The following GRM8 variants were observed in gnomAD, a reference collection of about 807,000 sequenced individuals.
The protein encoded by GRM8 is glutamate metabotropic receptor 8, also known as metabotropic glutamate receptor 8.
Under a neutral mutation model 87.2 loss-of-function variants are expected in GRM8, and 47 were observed. The observed-to-expected ratio is 0.54, with a 90% confidence interval of 0.43 to 0.69. The LOEUF is 0.69. Among genes scored for constraint, GRM8 ranks in the 30% least tolerant of loss-of-function variants. The probability of loss-of-function intolerance (pLI) is 0.00; values close to 1 mark genes in which losing one functional copy is unlikely to be tolerated. For missense variants in GRM8, 1,019 were observed against 1,139.2 expected (o/e 0.89, Z 1.52); for synonymous variants, 396 against 404.5 (o/e 0.98, Z 0.25).
At chr7:126,992,823 G>GTGTGTA (rs1237875684) in intron 3 of GRM8, among the ~76,000 whole-genome samples, 1 of 150,832 alleles carries the variant, frequency 6.6e-6, no homozygotes, top group Non-Finnish European at 1.5e-5. Context: ...GTGTGTGTGT[G>GTGTGTA]TGTGTATGTG....
At chr7:126,973,986 A>G (rs950033982) in intron 3 of GRM8, among the ~76,000 whole-genome samples, 2 of 152,180 alleles carry the variant, frequency 1.3e-5, no homozygotes, top group African/African-American at 4.8e-5. Flanking sequence ...CAAAATCTGG[A>G]ACTTTCTGAG....
chr7:126,601,711 T>C (rs1797792452), intron 8 of GRM8, among the ~76,000 whole-genome samples: 1 of 149,734 alleles, frequency 6.7e-6, no homozygotes, highest in African/African-American at 2.4e-5. Flanking sequence ...CATGTGTTTT[T>C]TGGCTGCATA....
At chr7:127,160,833 G>C (rs1444288024) in intron 2 of GRM8, among the ~76,000 whole-genome samples, 1 of 131,796 alleles carries the variant, frequency 7.6e-6, no homozygotes, top group Non-Finnish European at 1.5e-5. Context: ...CTCTCTCAGA[G>C]GTGAGAATCC....
chr7:126,633,762 A>G (rs564988467), intron 7 of GRM8, among the ~76,000 whole-genome samples: 4 of 125,692 alleles, frequency 3.2e-5, no homozygotes, highest in Non-Finnish European at 7.4e-5. Context: ...TAGAATGTTC[A>G]TATTAATCTA....
intron 8 of GRM8, among the ~76,000 whole-genome samples, chr7:126,581,115 T>C (rs887355953): frequency 3.9e-5 from 6 of 151,940 alleles, no homozygotes; most frequent in African/African-American, 1.5e-4. Context: ...ACCACAGCTA[T>C]CATCTTGAAA....
rs1797972704 is a variant in GRM8 at position 126,859,478 on chromosome 7, G to A, written c.1156+43064C>T. Among the ~76,000 whole-genome samples, 3 of 152,280 alleles carry A rather than the reference G, an allele frequency of 2.0e-5. No individual in the cohort carries two copies. In the South Asian group the frequency reaches 6.2e-4, roughly 32 times the overall value. On this transcript the variant is annotated intron_variant, in intron 6 of 10. Transcript: ENST00000339582. Reference sequence around the variant, plus strand: ...AACAAGAAGTTTTTGTGTATGTGCAGTTCACATTTTGAAAGTGAAGCAAAT... The same window carrying A: ...AACAAGAAGTTTTTGTGTATGTGCAATTCACATTTTGAAAGTGAAGCAAAT...
chr7:127,211,410 C>T (rs1056526379), intron 2 of GRM8, among the ~76,000 whole-genome samples: 3 of 152,204 alleles, frequency 2.0e-5, no homozygotes, highest in East Asian at 3.9e-4. Flanking sequence ...CTTCTGCCTG[C>T]TTTATTCTAG....
At chr7:126,830,421 T>C (rs963103116) in intron 6 of GRM8, among the ~76,000 whole-genome samples, 2 of 152,192 alleles carry the variant, frequency 1.3e-5, no homozygotes, top group African/African-American at 4.8e-5. Flanking sequence ...ATTTTTTCTC[T>C]AAACTTCCCT....
intron 2 of GRM8, among the ~76,000 whole-genome samples, chr7:127,199,507 A>C (rs1191800294): frequency 6.6e-6 from 1 of 152,226 alleles, no homozygotes; most frequent in East Asian, 1.9e-4. Context: ...AAATCTTTGC[A>C]GAGATGGCAC....
intron 3 of GRM8, among the ~76,000 whole-genome samples, chr7:126,972,136 T>C (rs17865592): frequency 1.3e-5 from 2 of 152,136 alleles, no homozygotes. Flanking sequence ...CAATTACCAC[T>C]ATCTTCATCC....
chr7:126,843,324 T>C (rs2130618424), intron 6 of GRM8, among the ~76,000 whole-genome samples: 1 of 152,136 alleles, frequency 6.6e-6, no homozygotes, highest in African/African-American at 2.4e-5. Context: ...AAAAAAAAAC[T>C]CATTATCACA....
intron 8 of GRM8, among the ~76,000 whole-genome samples, chr7:126,552,115 T>G (rs1353731228): frequency 6.6e-6 from 1 of 152,150 alleles, no homozygotes; most frequent in East Asian, 1.9e-4. Context: ...TACTATTTCT[T>G]CAAGAATTAT....
intron 6 of GRM8, among the ~76,000 whole-genome samples, chr7:126,866,614 C>T (rs1378230652): frequency 1.4e-4 from 13 of 90,280 alleles, no homozygotes; most frequent in African/African-American, 2.2e-4. Context: ...TTTTTTGAGA[C>T]GGAGTCTTGC....
intron 3 of GRM8, among the ~76,000 whole-genome samples, chr7:127,049,856 G>T (rs985607692): frequency 6.6e-6 from 1 of 152,070 alleles, no homozygotes; most frequent in African/African-American, 2.4e-5. Context: ...AACTTCTCAA[G>T]GAAAGAGAAG....
At chr7:126,708,086 C>A (rs988777284) in intron 7 of GRM8, among the ~76,000 whole-genome samples, 1 of 152,080 alleles carries the variant, frequency 6.6e-6, no homozygotes, top group African/African-American at 2.4e-5. Flanking sequence ...CCTGAATAGG[C>A]ATTTCCAAAA....
chr7:126,874,750 T>C (rs763773408), intron 6 of GRM8, among the ~76,000 whole-genome samples: 3 of 152,128 alleles, frequency 2.0e-5, no homozygotes, highest in Non-Finnish European at 2.9e-5. Flanking sequence ...CAATGTTCCT[T>C]CTGCATTGCC....
intron 3 of GRM8, among the ~76,000 whole-genome samples, chr7:126,976,260 C>T (rs1416615150): frequency 2.6e-5 from 4 of 152,146 alleles, no homozygotes; most frequent in East Asian, 1.9e-4. Flanking sequence ...TTTAAAACTA[C>T]GATGTTCTTA....
intron 9 of GRM8, among the ~76,000 whole-genome samples, chr7:126,529,288 A>G (rs1814419842): frequency 6.6e-6 from 1 of 152,246 alleles, no homozygotes; most frequent in Non-Finnish European, 1.5e-5. Context: ...TTATATTATT[A>G]TATCATTAAT....
chr7:127,223,325 C>G (rs1045424253), intron 2 of GRM8, among the ~76,000 whole-genome samples: 1 of 151,978 alleles, frequency 6.6e-6, no homozygotes, highest in Non-Finnish European at 1.5e-5. Context: ...GCAAAAAAAG[C>G]TCCTCTCTTT....
Sources: allele counts gnomAD v4.1 joint callset (sites outside exome capture counted in the v4.1 genomes callset), GRCh38; gene constraint gnomAD v4.1.1; transcripts MANE v1.5; gene names NCBI Gene and HGNC (gene_info 2026-07-23, HGNC 2026-07-21).